The following MEI4 variants were observed in gnomAD, a reference collection of about 807,000 sequenced individuals.
The protein encoded by MEI4 is meiosis-specific protein MEI4.
A neutral mutation model predicts 31.4 loss-of-function variants in MEI4; 27 were observed. The ratio of observed to expected loss-of-function variants is 0.86; its 90% CI spans 0.63 to 1.19. The LOEUF is 1.19. Among genes scored for constraint, MEI4 ranks in the 50% most tolerant of loss-of-function variants. The probability of loss-of-function intolerance (pLI) is 0.00; values close to 1 mark genes in which losing one functional copy is unlikely to be tolerated. For missense variants in MEI4, 329 were observed against 398.9 expected, an observed-to-expected ratio of 0.82 and a Z score of 1.49; for synonymous variants, 122 against 145.4, an observed-to-expected ratio of 0.84 and a Z score of 1.16.
chr6:77,837,675 T>C (rs1770253891), intron 4 of MEI4, among the ~76,000 whole-genome samples: 2 of 152,184 alleles, frequency 1.3e-5, no homozygotes, highest in African/African-American at 4.8e-5. Context: ...TCTTGATCTT[T>C]ACATAAAATG....
rs375849400 is a variant in MEI4, at chr6:77,791,257, G to A, written c.768+29592G>A. ...GTATGTTTATTGCGGCATTATTCAC[G>A]ATAGCAAAGACTTGGAACCAAGCGA... On this transcript the variant is annotated intron_variant, in intron 3 of 4. Transcript: ENST00000684080. Among the ~76,000 whole-genome samples the A allele has an allele frequency of 3.7e-4, 56 of 152,126 alleles. 1 individual carries two copies. Among genetic ancestry groups the A allele is most frequent in the South Asian group, 1.2e-3 (6 of 4,804 alleles).
chr6:77,789,145 G>A (rs1294340004), intron 3 of MEI4, among the ~76,000 whole-genome samples: 1 of 152,142 alleles, frequency 6.6e-6, no homozygotes, highest in Non-Finnish European at 1.5e-5. Context: ...ACAAAAATGA[G>A]CAATGGGGAA....
intron 2 of MEI4, among the ~76,000 whole-genome samples, chr6:77,743,627 C>T (rs1392865717): frequency 6.6e-6 from 1 of 152,176 alleles, no homozygotes; most frequent in Non-Finnish European, 1.5e-5. Context: ...GTTCTCCCAG[C>T]ACGCAGCTGG....
At chr6:77,913,759 G>A (rs1465375851) in intron 4 of MEI4, among the ~76,000 whole-genome samples, 1 of 150,700 alleles carries the variant, frequency 6.6e-6, no homozygotes, top group East Asian at 1.9e-4. Flanking sequence ...TTGAGCCCGG[G>A]CACGGTGGCT....
At chr6:77,844,602 A>G (rs969562035) in intron 4 of MEI4, among the ~76,000 whole-genome samples, 12 of 152,296 alleles carry the variant, frequency 7.9e-5, no homozygotes, top group African/African-American at 2.6e-4. Flanking sequence ...AAAACATTAA[A>G]TGAATATTCA....
intron 2 of MEI4, among the ~76,000 whole-genome samples, chr6:77,742,900 T>C (rs956658647): frequency 6.6e-6 from 1 of 152,130 alleles, no homozygotes; most frequent in Non-Finnish European, 1.5e-5. Flanking sequence ...TTGCTTGTTT[T>C]TCACAGGTTT....
At chr6:77,885,623 A>G (rs1415685604) in intron 4 of MEI4, among the ~76,000 whole-genome samples, 1 of 152,106 alleles carries the variant, frequency 6.6e-6, no homozygotes, top group Non-Finnish European at 1.5e-5. Flanking sequence ...AAAGAGGGAT[A>G]ATTTAACTTT....
intron 2 of MEI4, among the ~76,000 whole-genome samples, chr6:77,736,696 A>G (rs1404609494): frequency 1.3e-5 from 2 of 152,048 alleles, no homozygotes; most frequent in African/African-American, 4.8e-5. Context: ...AAAACAATGT[A>G]GAAAATACAG....
At chr6:77,679,491 G>A (rs1190002003) in intron 1 of MEI4, among the ~76,000 whole-genome samples, 1 of 152,214 alleles carries the variant, frequency 6.6e-6, no homozygotes, top group Non-Finnish European at 1.5e-5. Context: ...TTGTGTAAGT[G>A]CACTCTATGG....
At chr6:77,862,262 G>A (rs547006735) in intron 4 of MEI4, among the ~76,000 whole-genome samples, 11 of 152,292 alleles carry the variant, frequency 7.2e-5, no homozygotes, top group Admixed American at 3.3e-4. Context: ...AGCATGAGCC[G>A]AAGCAGGGCA....
intron 1 of MEI4, among the ~76,000 whole-genome samples, chr6:77,655,461 T>A (rs1484363273): frequency 6.6e-6 from 1 of 152,190 alleles, no homozygotes; most frequent in Non-Finnish European, 1.5e-5. Flanking sequence ...TTTGCAAATT[T>A]ATGGGAGAAT....
intron 3 of MEI4, among the ~76,000 whole-genome samples, chr6:77,810,861 C>A (rs1325896576): frequency 6.6e-6 from 1 of 151,950 alleles, no homozygotes; most frequent in African/African-American, 2.4e-5. Context: ...CTTGTGGAAT[C>A]CATGGTCTGT....
intron 3 of MEI4, among the ~76,000 whole-genome samples, chr6:77,801,890 T>C (rs567388273): frequency 1.3e-5 from 2 of 152,322 alleles, no homozygotes; most frequent in African/African-American, 4.8e-5. Flanking sequence ...GTGCTTTGCT[T>C]CCAAATATGT....
chr6:77,761,363 T>C lies in MEI4; in HGVS notation c.466T>C (p.Tyr156His). ...PLSSHMQFLQ[Y>H]LLELKNLTES... The stretch of plus-strand genomic sequence containing the variant: ...GTCTTCTCACATGCAATTCTTGCAA[T>C]ATCTACTTGAATTAAAGAACTTGAC... Residue 156 changes from tyrosine (Y) to histidine (H), a missense_variant, in exon 3 of 5, where the codon TAT becomes CAT. Tyr to His is a moderately conservative substitution (Grantham distance 83). Transcript: ENST00000684080. 1 of 1,232,430 alleles carries C rather than the reference T, an allele frequency of 8.1e-7. No individual in the cohort carries two copies. The highest frequency in any genetic ancestry group is 3.1e-4 in the Middle Eastern group (1 of 3,210). The allele number at this position is 1,232,430 out of a possible 1,614,324, so 76.3% of individuals were successfully genotyped here.
At chr6:77,853,280 T>C (rs1006464256) in intron 4 of MEI4, among the ~76,000 whole-genome samples, 4 of 152,174 alleles carry the variant, frequency 2.6e-5, no homozygotes, top group African/African-American at 9.7e-5. Context: ...CCCTAGTGCA[T>C]TATAGCTCAT....
Position 77,743,091 on chromosome 6 carries a change from C to T in MEI4, c.233-18039C>T, listed in dbSNP as rs369842096. Among the ~76,000 whole-genome samples, 83 of 152,196 alleles carry T rather than the reference C, an allele frequency of 5.5e-4. 1 individual carries two copies. The East Asian group carries it at 0.013, about 23-fold the overall frequency. On this transcript the variant is annotated intron_variant, in intron 2 of 4. Transcript: ENST00000684080. ...CTTTGTTCTTTTGGCTTAGGATTGACTTGGCGATGCGGGCTCTTTTTTGGT... is the reference window on the plus strand; with the variant it reads ...CTTTGTTCTTTTGGCTTAGGATTGATTTGGCGATGCGGGCTCTTTTTTGGT...
intron 2 of MEI4, among the ~76,000 whole-genome samples, chr6:77,711,423 G>A (rs1388149970): frequency 3.3e-5 from 5 of 152,020 alleles, no homozygotes; most frequent in African/African-American, 9.7e-5. Context: ...TTTGTCACTG[G>A]TACTTTATAA....
At chr6:77,789,385 A>G (rs1436062791) in intron 3 of MEI4, among the ~76,000 whole-genome samples, 1 of 152,228 alleles carries the variant, frequency 6.6e-6, no homozygotes, top group Non-Finnish European at 1.5e-5. Context: ...CAATGACAAC[A>G]AAAGCCAAAA....
At chr6:77,806,946 T>C (rs1169744521) in intron 3 of MEI4, among the ~76,000 whole-genome samples, 1 of 152,136 alleles carries the variant, frequency 6.6e-6, no homozygotes, top group Non-Finnish European at 1.5e-5. Context: ...ATGTAAGGTC[T>C]GCAAAGCCTA....
Sources: gnomAD v4.1 joint callset for allele counts (sites outside exome capture counted in the v4.1 genomes callset) on GRCh38, gnomAD v4.1.1 for gene constraint, MANE v1.5 for transcripts, NCBI Gene and HGNC (gene_info 2026-07-23, HGNC 2026-07-21) for gene names.